The following CNTN5 variants were observed in gnomAD, a reference collection of about 807,000 sequenced individuals.
CNTN5 encodes the protein contactin-5.
CNTN5 carries 77 observed loss-of-function variants against 129.1 expected under a neutral mutation model. That is an observed-to-expected ratio of 0.60 (90% CI 0.50 to 0.72). The LOEUF (loss-of-function observed/expected upper bound fraction) is 0.72. Among genes scored for constraint, CNTN5 ranks in the 30% least tolerant of loss-of-function variants. The pLI, the probability that CNTN5 is intolerant of heterozygous loss-of-function variation, is 0.00. For synonymous variants in CNTN5, 509 were observed against 465.6 expected, an observed-to-expected ratio of 1.09 and a Z score of -1.20; for missense variants, 1,478 against 1,328.8, an observed-to-expected ratio of 1.11 and a Z score of -1.75.
intron 13 of CNTN5, among the ~76,000 whole-genome samples, chr11:100,098,343 AC>A (rs1264309283): frequency 1.3e-5 from 2 of 152,126 alleles, no homozygotes; most frequent in East Asian, 3.9e-4. Context: ...ATCTATATTT[AC>A]CCCTGACTTT....
chr11:99,745,871 A>T (rs1358646801), intron 3 of CNTN5, among the ~76,000 whole-genome samples: 3 of 152,218 alleles, frequency 2.0e-5, no homozygotes, highest in African/African-American at 7.2e-5. Context: ...AAACAAATAC[A>T]ATATAGTGTG....
intron 3 of CNTN5, among the ~76,000 whole-genome samples, chr11:99,690,730 A>G (rs1954005807): frequency 1.3e-5 from 2 of 151,640 alleles, no homozygotes; most frequent in Admixed American, 6.6e-5. Flanking sequence ...TTATTCTTTT[A>G]TGTCTCTGCC....
intron 4 of CNTN5, among the ~76,000 whole-genome samples, chr11:99,826,862 TA>T (rs1946975820): frequency 6.6e-6 from 1 of 151,990 alleles, no homozygotes; most frequent in Non-Finnish European, 1.5e-5. Context: ...TTTAAAATAA[TA>T]ATAAAGTCTC....
At chr11:99,038,392 A>C (rs753119704) in intron 1 of CNTN5, among the ~76,000 whole-genome samples, 7 of 152,170 alleles carry the variant, frequency 4.6e-5, no homozygotes, top group Non-Finnish European at 1.0e-4. Context: ...CGTAATTAGC[A>C]TATCTATCAT....
intron 13 of CNTN5, among the ~76,000 whole-genome samples, chr11:100,116,950 A>G (rs999303925): frequency 5.3e-5 from 8 of 152,008 alleles, no homozygotes; most frequent in African/African-American, 1.9e-4. Context: ...AAAGAACATC[A>G]CAGGTAGGAG....
In CNTN5 at chr11:99,544,155, G is replaced by T. The variant is rs115951061; in HGVS notation, c.-70-11990G>T. 2.3e-3 allele frequency among the ~76,000 whole-genome samples: 348 copies of T among 152,092 alleles called. 4 individuals are homozygous for T. Among genetic ancestry groups the T allele is most frequent in the African/African-American group, 7.9e-3 (326 of 41,484 alleles). The stretch of plus-strand genomic sequence containing the variant: ...GGAGGCCTCAGGAAGCCTTTACTAC[G>T]GTGGAAGGTGAAGCAGGACCAAGAG... On this transcript the variant is annotated intron_variant, in intron 2 of 24. Transcript: ENST00000524871.
intron 1 of CNTN5, among the ~76,000 whole-genome samples, chr11:99,183,723 C>A (rs1486012113): frequency 6.6e-6 from 1 of 151,996 alleles, no homozygotes; most frequent in Non-Finnish European, 1.5e-5. Context: ...TAATGGCCCA[C>A]CAATATATAG....
At chr11:99,142,446 C>T (rs1229037330) in intron 1 of CNTN5, among the ~76,000 whole-genome samples, 1 of 152,080 alleles carries the variant, frequency 6.6e-6, no homozygotes, top group Non-Finnish European at 1.5e-5. Flanking sequence ...CATAAGCTCT[C>T]TGATGGTGAG....
intron 18 of CNTN5, among the ~76,000 whole-genome samples, chr11:100,291,312 T>C (rs572686578): frequency 0.02 from 3,116 of 152,082 alleles, 109 homozygotes; most frequent in African/African-American, 0.07. Context: ...TGCACACGTA[T>C]GTTTATTGCA....
intron 9 of CNTN5, among the ~76,000 whole-genome samples, chr11:100,027,917 A>T (rs2137596609): frequency 6.6e-6 from 1 of 152,284 alleles, no homozygotes; most frequent in Admixed American, 6.5e-5. Flanking sequence ...TATTTAGCTA[A>T]TTTTTCTCAT....
At chr11:100,117,390 G>A (rs1199694952) in intron 13 of CNTN5, among the ~76,000 whole-genome samples, 1 of 152,102 alleles carries the variant, frequency 6.6e-6, no homozygotes, top group Admixed American at 6.6e-5. Context: ...TATGCTTCTA[G>A]TGTCTTATTT....
At chr11:99,841,635 A>AGAGGAGGAGGAGAATG (rs1947495966) in intron 4 of CNTN5, among the ~76,000 whole-genome samples, 1 of 151,660 alleles carries the variant, frequency 6.6e-6, no homozygotes, top group Admixed American at 6.6e-5. Flanking sequence ...CATCAGCAGA[A>AGAGGAGGAGGAGAATG]GAGGAGGAGG....
intron 1 of CNTN5, among the ~76,000 whole-genome samples, chr11:99,209,824 T>G (rs576384392): frequency 3.9e-5 from 6 of 152,274 alleles, no homozygotes; most frequent in African/African-American, 1.4e-4. Context: ...AGAACCTAAC[T>G]TCGGACTTAG....
intron 1 of CNTN5, among the ~76,000 whole-genome samples, chr11:99,136,756 C>A (rs959412452): frequency 7.6e-6 from 1 of 130,860 alleles, no homozygotes. Context: ...CACAGATGGA[C>A]GGAAGAAGGC....
chr11:100,240,042 A>G (rs1372447170), intron 16 of CNTN5, among the ~76,000 whole-genome samples: 3 of 152,200 alleles, frequency 2.0e-5, no homozygotes, highest in African/African-American at 7.2e-5. Flanking sequence ...TTATCACCTG[A>G]TCTGTATGAA....
chr11:99,534,700 T>A (rs2135478342), intron 2 of CNTN5, among the ~76,000 whole-genome samples: 1 of 152,274 alleles, frequency 6.6e-6, no homozygotes, highest in African/African-American at 2.4e-5. Flanking sequence ...AATTTGAATA[T>A]CACCCTGTAA....
intron 15 of CNTN5, among the ~76,000 whole-genome samples, chr11:100,202,798 A>G (rs556258808): frequency 1.3e-5 from 2 of 151,988 alleles, no homozygotes; most frequent in Non-Finnish European, 2.9e-5. Context: ...CCCAGGAAGG[A>G]AGACAAGTAA....
At chr11:99,384,575 A>C (rs1504731) in intron 2 of CNTN5, among the ~76,000 whole-genome samples, 35,588 of 152,092 alleles carry the variant, frequency 0.23, 4,166 homozygotes, top group South Asian at 0.33. Context: ...CAAGAGAAAA[A>C]GTGCATCCAA....
At chr11:99,594,800 G>C (rs1407223035) in intron 3 of CNTN5, among the ~76,000 whole-genome samples, 1 of 152,160 alleles carries the variant, frequency 6.6e-6, no homozygotes, top group Non-Finnish European at 1.5e-5. Flanking sequence ...AATGTAAAAG[G>C]TGGTGTTTTC....
Sources: gnomAD v4.1 joint callset for allele counts (sites outside exome capture counted in the v4.1 genomes callset) on GRCh38, gnomAD v4.1.1 for gene constraint, MANE v1.5 for transcripts, NCBI Gene and HGNC (gene_info 2026-07-23, HGNC 2026-07-21) for gene names.